SEPTIN8: variants seen among roughly 807,000 people sequenced by gnomAD.
SEPTIN8 encodes the protein septin-8.
A neutral mutation model predicts 53.1 loss-of-function variants in SEPTIN8; 22 were observed. That is an observed-to-expected ratio of 0.41 (90% confidence interval 0.30 to 0.59). The LOEUF (loss-of-function observed/expected upper bound fraction) is 0.59, where lower values mean the gene tolerates loss of function less well. SEPTIN8 is among the 20% of genes least tolerant of loss of function. The pLI, the probability that SEPTIN8 is intolerant of heterozygous loss-of-function variation, is 0.24. For synonymous variants in SEPTIN8, 228 were observed against 248.4 expected (o/e 0.92, Z 0.77); for missense variants, 536 against 638.7 (o/e 0.84, Z 1.73).
chr5:132,756,768 A>G (rs1755380469), intron 9 of SEPTIN8: 4 of 985,444 alleles, frequency 4.1e-6, no homozygotes, highest in Middle Eastern at 5.2e-4. Flanking sequence ...AGCCACGAGT[A>G]TGGCCTTTCA....
chr5:132,758,753 G>A, intron 9 of SEPTIN8: 4 of 1,613,972 alleles, frequency 2.5e-6, no homozygotes, highest in Non-Finnish European at 3.4e-6. Context: ...GGGTCACAAG[G>A]TGTAACTCAA....
rs1203191717 is a variant in SEPTIN8, at chr5:132,751,869, G to A, written c.*147C>T. The A allele has an allele frequency of 2.2e-6, 3 of 1,394,392 alleles. No homozygotes were observed. The highest frequency in any genetic ancestry group is 2.9e-6 in the Non-Finnish European group (3 of 1,024,130). 86.4% of individuals were successfully genotyped at this position (1,394,392 alleles called of 1,614,324 possible). A position where few individuals can be genotyped will look rare whatever the true frequency, so the allele number is the denominator to read the frequency against. On this transcript the variant is annotated 3_prime_UTR_variant, in exon 10 of 10. Coordinates refer to ENST00000378719, the MANE Select transcript of SEPTIN8 (RefSeq NM_001098811.2). ...TGAAAAGGGTTGGGCAACATTTGAT[G>A]TTCCCTGATGGAAATTTAAATTGTT...
intron 3 of SEPTIN8, 71 bp from the exon 4 acceptor site, chr5:132,763,963 C>T (rs1410463573): frequency 2.8e-6 from 4 of 1,434,636 alleles, no homozygotes; most frequent in African/African-American, 1.4e-5. Flanking sequence ...GGGCTCAGGG[C>T]TCGGGGCCAA....
At position 132,760,926 on chromosome 5, in the gene SEPTIN8, G is replaced by A. The variant is rs771830516; in HGVS notation, c.1162C>T (p.Arg388Cys). 17 of 1,605,098 alleles carry A rather than the reference G, an allele frequency of 1.1e-5. No individual in the cohort carries two copies. Among genetic ancestry groups the A allele is most frequent in the Middle Eastern group, 3.5e-4 (2 of 5,718 alleles). Residue 388 changes from arginine (R) to cysteine (C), a missense_variant, in exon 9 of 10, where the codon CGC becomes TGC. Physicochemically the swap from Arg to Cys is radical, Grantham distance 180. Around this residue, in one of 3 missense-constraint regions of SEPTIN8, gnomAD observed 133 missense variants for 157.4 expected, o/e 0.84. Transcript: ENST00000378719. The surrounding 1 kb of genome is among the most constrained non-coding windows in gnomAD (Gnocchi z 5.2). ...TTGGTCTCCTCCTCCAGTTCCCGGC[G>A]CTTTTCCTCCACCTTGCGCTTCTCC... ...QEEKRKVEEK[R>C]RELEEETNAF...
rs1454433233 is a variant in SEPTIN8 at position 132,777,045 on chromosome 5, G to T, written c.30+63C>A. The T allele has an allele frequency of 4.8e-6, 5 of 1,033,690 alleles. No homozygotes were observed. The highest frequency in any genetic ancestry group is 6.0e-6 in the Non-Finnish European group (5 of 831,756). 64.0% of individuals were successfully genotyped at this position (1,033,690 alleles called of 1,614,324 possible). A position where few individuals can be genotyped will look rare whatever the true frequency, so the allele number is the denominator to read the frequency against. On this transcript the variant is annotated intron_variant, in intron 1 of 9. Coordinates refer to ENST00000378719, the MANE Select transcript of SEPTIN8 (RefSeq NM_001098811.2). This position sits in a 1 kb window ranked among gnomAD's most constrained non-coding sequence, Gnocchi z 4.1. ...GCCCGCTTCGCGCCCCCCGCCAGCT[G>T]CAGGGCGGCCCCTCCTGCGCCCCGC...
In SEPTIN8 at chr5:132,764,273, T is replaced by C; in HGVS notation, c.298A>G (p.Thr100Ala). The C allele has an allele frequency of 6.2e-7, 1 of 1,614,124 alleles. No homozygotes were observed. Among genetic ancestry groups the C allele is most frequent in the Non-Finnish European group, 8.5e-7 (1 of 1,179,998 alleles). ...CCAAAGCCCACGGCATCCACAATGG[T>C]CAGCTTGAGCTGCACGTTGCTCTCC... ...LQESNVQLKL[T>A]IVDAVGFGDQ... The change falls in exon 3 of 10, where the codon ACC (threonine) becomes GCC (alanine). Residue 100 changes from threonine to alanine, a missense_variant. This residue lies in a region of SEPTIN8 where 395 missense variants were observed against 451.8 expected (regional missense o/e 0.87). Transcript: ENST00000378719.
rs1039775032 is a variant in SEPTIN8, at chr5:132,776,532, C to G, written c.30+576G>C. Among the ~76,000 whole-genome samples the G allele has an allele frequency of 1.3e-5, 2 of 152,180 alleles. No individual in the cohort carries two copies. The highest frequency in any genetic ancestry group is 4.8e-5 in the African/African-American group (2 of 41,444). On this transcript the variant is annotated intron_variant, in intron 1 of 9. Coordinates refer to ENST00000378719, the MANE Select transcript of SEPTIN8 (RefSeq NM_001098811.2). This position sits in a 1 kb window ranked among gnomAD's most constrained non-coding sequence, Gnocchi z 4.4. ...ACCCGACCACTGAGGCCTGACCTGC[C>G]TGGAGTCGCACCCAGGATTCCGGCG...
intron 5 of SEPTIN8, among the ~76,000 whole-genome samples, 180 bp downstream of exon 5, chr5:132,762,304 G>A (rs1167397873): frequency 6.6e-6 from 1 of 152,202 alleles, no homozygotes; most frequent in African/African-American, 2.4e-5. Context: ...CCCACTATCA[G>A]ATTCTTCCTG....
chr5:132,752,124 C>T lies in SEPTIN8; in HGVS notation c.1344G>A (p.Met448Ile), dbSNP rs759485146. 1.2e-5 allele frequency: 19 copies of T among 1,598,580 alleles called. No homozygotes were observed. Among genetic ancestry groups the T allele is most frequent in the Admixed American group, 1.7e-5 (1 of 57,882 alleles). The change falls in exon 10 of 10, where the codon ATG becomes ATA. Residue 448 changes from methionine to isoleucine, a missense_variant. By Grantham distance (10) the Met-to-Ile change is conservative. This residue lies in a region of SEPTIN8 where 133 missense variants were observed against 157.4 expected (regional missense o/e 0.84). Transcript: ENST00000378719. The part of the protein sequence containing the change: ...PGMSLSSSKV[M>I]MTKASVEPLN... Reference sequence around the variant, plus strand: ...AGGGCTCCACACTGGCCTTGGTCATCATCACCTTAGAGCTGGAGAGGCTCA... The same window carrying T: ...AGGGCTCCACACTGGCCTTGGTCATTATCACCTTAGAGCTGGAGAGGCTCA...
chr5:132,762,456 G>C (rs947544539), intron 5 of SEPTIN8, 28 bp downstream of exon 5: 1 of 1,611,092 alleles, frequency 6.2e-7, no homozygotes. Flanking sequence ...CTGGCCCCAG[G>C]GCCCTGAGGC....
chr5:132,759,281 A>G (rs1448909587), intron 9 of SEPTIN8, among the ~76,000 whole-genome samples: 6 of 152,092 alleles, frequency 3.9e-5, no homozygotes, highest in Admixed American at 6.5e-5. Flanking sequence ...GCAGGTCCAG[A>G]GAACAGGAAA....
At chr5:132,763,649 C>T (rs570899973) in intron 4 of SEPTIN8, 57 bp downstream of exon 4, 4 of 1,530,706 alleles carry the variant, frequency 2.6e-6, no homozygotes, top group African/African-American at 2.7e-5. Context: ...GCAGCCACCA[C>T]ATCGCATCGC....
chr5:132,756,798 C>T (rs1354956189), intron 9 of SEPTIN8: 12 of 985,282 alleles, frequency 1.2e-5, no homozygotes, highest in Admixed American at 1.2e-4. Context: ...GGGTGCGACC[C>T]GCAGGCCACA....
Position 132,776,987 on chromosome 5 carries a change from C to G in SEPTIN8, c.30+121G>C, listed in dbSNP as rs998005445. 140 of 552,390 alleles carry G rather than the reference C, an allele frequency of 2.5e-4. No individual in the cohort carries two copies. The highest frequency in any genetic ancestry group is 1.5e-4 in the Non-Finnish European group (59 of 402,138). 34.2% of individuals were successfully genotyped at this position (552,390 alleles called of 1,614,324 possible). A position where few individuals can be genotyped will look rare whatever the true frequency, so the allele number is the denominator to read the frequency against. ...CCCGCGCCGGGGTCCTCGAGCTGGC[C>G]CGGTGTCGAGGCCCGGCCGTGAGGC... is the stretch of plus-strand genomic sequence containing the variant. On this transcript the variant is annotated intron_variant, in intron 1 of 9. Coordinates refer to ENST00000378719, the MANE Select transcript of SEPTIN8 (RefSeq NM_001098811.2). This position sits in a 1 kb window ranked among gnomAD's most constrained non-coding sequence, Gnocchi z 4.4.
At chr5:132,766,151 CCTCA>C (rs1756567747) in intron 1 of SEPTIN8, among the ~76,000 whole-genome samples, 1 of 152,220 alleles carries the variant, frequency 6.6e-6, no homozygotes, top group African/African-American at 2.4e-5. Flanking sequence ...AGGAGCCGGC[CCTCA>C]CTCACACAAC....
rs1185496457 is a variant in SEPTIN8, at chr5:132,751,527, T to C, written c.*489A>G. On this transcript the variant is annotated 3_prime_UTR_variant, in exon 10 of 10. Transcript: ENST00000378719. ...GGCAAAATTATGCAATGTGGAAATC[T>C]CATGGGGTTTTGGTTTGTTATGAAG... 3 of 200,794 alleles carry C rather than the reference T, an allele frequency of 1.5e-5. No homozygotes were observed. The highest frequency in any genetic ancestry group is 3.0e-5 in the Non-Finnish European group (3 of 99,478). The allele number at this position is 200,794 out of a possible 1,614,324, so 12.4% of individuals were successfully genotyped here.
chr5:132,752,771 G>A lies in SEPTIN8; in HGVS notation c.1287-590C>T, dbSNP rs1754964757. The A allele has an allele frequency of 2.8e-6, 3 of 1,053,304 alleles. No individual in the cohort carries two copies. The South Asian group carries it at 4.3e-5, about 15-fold the overall frequency. 65.2% of individuals were successfully genotyped at this position (1,053,304 alleles called of 1,614,324 possible). A position where few individuals can be genotyped will look rare whatever the true frequency, so the allele number is the denominator to read the frequency against. On this transcript the variant is annotated intron_variant, in intron 9 of 9. Transcript: ENST00000378719. ...CTTAGTTGGGTGGTTGGACCTTCCTGAACTTGCTTCATGCTAACATTTTGG... is the reference window on the plus strand; with the variant it reads ...CTTAGTTGGGTGGTTGGACCTTCCTAAACTTGCTTCATGCTAACATTTTGG...
Position 132,776,994 on chromosome 5 carries a change from C to G in SEPTIN8, c.30+114G>C, listed in dbSNP as rs148044948. 0.012 allele frequency: 7,763 copies of G among 627,192 alleles called. 486 individuals are homozygous for G. In the African/African-American group the frequency reaches 0.14, roughly 11 times the overall value. The allele number at this position is 627,192 out of a possible 1,614,324, so 38.9% of individuals were successfully genotyped here. On this transcript the variant is annotated intron_variant, in intron 1 of 9. Transcript: ENST00000378719. This position sits in a 1 kb window ranked among gnomAD's most constrained non-coding sequence, Gnocchi z 4.4. The stretch of plus-strand genomic sequence containing the variant: ...CGGGGTCCTCGAGCTGGCCCGGTGT[C>G]GAGGCCCGGCCGTGAGGCGCTGACA...
chr5:132,770,326 G>A (rs1196682996), intron 1 of SEPTIN8, among the ~76,000 whole-genome samples: 4 of 151,010 alleles, frequency 2.6e-5, no homozygotes, highest in Non-Finnish European at 4.4e-5. Flanking sequence ...TTACAGGCAC[G>A]CAACCACCAC....
Sources: gnomAD v4.1 joint callset for allele counts (sites outside exome capture counted in the v4.1 genomes callset) on GRCh38, gnomAD v4.1.1 for gene constraint, gnomAD v4.1.1 regional missense constraint, Gnocchi (gnomAD v3.1) non-coding constraint, MANE v1.5 for transcripts, NCBI Gene and HGNC (gene_info 2026-07-23, HGNC 2026-07-21) for gene names.